SMPD3: variants seen among roughly 807,000 people sequenced by gnomAD.
The protein encoded by SMPD3 is sphingomyelin phosphodiesterase 3, also known as nSMase-2.
A neutral mutation model predicts 55.7 loss-of-function variants in SMPD3; 21 were observed. That is an observed-to-expected ratio of 0.38 (90% CI 0.27 to 0.54). The LOEUF is 0.54. Among genes scored for constraint, SMPD3 ranks in the 20% least tolerant of loss-of-function variants. The probability of loss-of-function intolerance (pLI) is 0.80; values close to 1 mark genes in which losing one functional copy is unlikely to be tolerated. For missense variants in SMPD3, 842 were observed against 899.6 expected, an observed-to-expected ratio of 0.94 and a Z score of 0.82; for synonymous variants, 457 against 404.3, an observed-to-expected ratio of 1.13 and a Z score of -1.56.
At chr16:68,430,514 C>A (rs2090471088) in intron 1 of SMPD3, among the ~76,000 whole-genome samples, 2 of 152,212 alleles carry the variant, frequency 1.3e-5, no homozygotes, top group South Asian at 4.1e-4. Flanking sequence ...TGGACTCTAG[C>A]TGACCCATCC....
chr16:68,397,728 C>G (rs2152008804), intron 1 of SMPD3, among the ~76,000 whole-genome samples: 1 of 152,326 alleles, frequency 6.6e-6, no homozygotes, highest in African/African-American at 2.4e-5. Flanking sequence ...GAATTCCACG[C>G]CTTGCTTGGT....
At chr16:68,398,612 G>A (rs1351877350) in intron 1 of SMPD3, among the ~76,000 whole-genome samples, 1 of 152,210 alleles carries the variant, frequency 6.6e-6, no homozygotes, top group East Asian at 1.9e-4. Context: ...GTAATCTTGA[G>A]GGATGTGAAC....
At chr16:68,430,417 T>A (rs1001688165) in intron 1 of SMPD3, among the ~76,000 whole-genome samples, 2 of 152,190 alleles carry the variant, frequency 1.3e-5, no homozygotes, top group African/African-American at 4.8e-5. Context: ...ATTTCATAGA[T>A]GTCAATAAAC....
intron 1 of SMPD3, among the ~76,000 whole-genome samples, chr16:68,421,322 G>A (rs549082261): frequency 6.6e-6 from 1 of 152,324 alleles, no homozygotes; most frequent in Non-Finnish European, 1.5e-5. Context: ...CGCTTGTGGG[G>A]AATGGCAGAG....
chr16:68,392,403 G>A (rs1000257227), intron 1 of SMPD3, among the ~76,000 whole-genome samples: 3 of 152,206 alleles, frequency 2.0e-5, no homozygotes, highest in Non-Finnish European at 4.4e-5. Flanking sequence ...AAGCTATAAT[G>A]TTTGCTAGTT....
chr16:68,385,738 G>T (rs951189345), intron 2 of SMPD3, among the ~76,000 whole-genome samples: 2 of 152,182 alleles, frequency 1.3e-5, no homozygotes. Flanking sequence ...TTCTGCTTTT[G>T]TTCCTGAGAA....
intron 1 of SMPD3, among the ~76,000 whole-genome samples, chr16:68,399,670 A>AC (rs893138999): frequency 2.0e-5 from 3 of 151,466 alleles, no homozygotes; most frequent in Non-Finnish European, 4.4e-5. Context: ...TGATGGTCAG[A>AC]CCCCCCACTG....
chr16:68,442,068 T>C (rs951859092), intron 1 of SMPD3, among the ~76,000 whole-genome samples: 11 of 152,208 alleles, frequency 7.2e-5, no homozygotes, highest in African/African-American at 2.7e-4. Context: ...GCCTGGGCTA[T>C]TTCAACTTAA....
At chr16:68,398,493 T>C (rs2090179505) in intron 1 of SMPD3, among the ~76,000 whole-genome samples, 1 of 151,974 alleles carries the variant, frequency 6.6e-6, no homozygotes. Context: ...CGAGCTGGAG[T>C]CTTCCAGGCT....
intron 7 of SMPD3, 95 bp from the exon 8 acceptor site, chr16:68,361,854 GGA>G: frequency 1.5e-6 from 2 of 1,349,464 alleles, no homozygotes; most frequent in Non-Finnish European, 2.0e-6. Flanking sequence ...TCCCAGTGTG[GGA>G]GCGGGTGGGT....
intron 1 of SMPD3, among the ~76,000 whole-genome samples, chr16:68,437,381 G>A (rs1010280043): frequency 6.6e-6 from 1 of 152,216 alleles, no homozygotes. Flanking sequence ...TTCAGCATGT[G>A]CTGACACACA....
chr16:68,447,045 C>T lies in SMPD3; in HGVS notation c.-269+1308G>A, dbSNP rs979972262. On this transcript the variant is annotated intron_variant, in intron 1 of 8. Coordinates refer to ENST00000219334, the MANE Select transcript of SMPD3 (RefSeq NM_018667.4). This position sits in a 1 kb window ranked among gnomAD's most constrained non-coding sequence, Gnocchi z 5.1. ...GCTTTGTCTCCCGCCCCGCTCCTGGCACGTTTCCGTGGAAGCTGCCCGCGC... is the reference window on the plus strand; with the variant it reads ...GCTTTGTCTCCCGCCCCGCTCCTGGTACGTTTCCGTGGAAGCTGCCCGCGC... Among the ~76,000 whole-genome samples, 1 of 152,022 alleles carries T rather than the reference C, an allele frequency of 6.6e-6. No individual in the cohort carries two copies. The highest frequency in any genetic ancestry group is 1.5e-5 in the Non-Finnish European group (1 of 67,976).
At position 68,361,175 on chromosome 16, in the gene SMPD3, G is replaced by C. The variant is rs1454307452; in HGVS notation, c.*31C>G. The C allele has an allele frequency of 6.3e-7, 1 of 1,593,364 alleles. No homozygotes were observed. The highest frequency in any genetic ancestry group is 8.6e-7 in the Non-Finnish European group (1 of 1,164,210). On this transcript the variant is annotated 3_prime_UTR_variant, in exon 9 of 9. Transcript: ENST00000219334. ...CCCAGGGATGGGCTGCAGCTGCAAG[G>C]GCTGGCAGAGGCCCCGCTGCTCCGG...
At chr16:68,439,205 A>C (rs2090548080) in intron 1 of SMPD3, among the ~76,000 whole-genome samples, 1 of 152,184 alleles carries the variant, frequency 6.6e-6, no homozygotes, top group East Asian at 1.9e-4. Context: ...TAAAAATGTG[A>C]TTCAGACTCA....
intron 1 of SMPD3, among the ~76,000 whole-genome samples, chr16:68,393,139 T>C (rs1288525328): frequency 6.6e-6 from 1 of 152,142 alleles, no homozygotes; most frequent in Non-Finnish European, 1.5e-5. Flanking sequence ...GCATGGTGGC[T>C]CATGCCTGTA....
In SMPD3 at chr16:68,361,070, T is replaced by G. The variant is rs2089231823; in HGVS notation, c.*136A>C. 5 of 768,732 alleles carry G rather than the reference T, an allele frequency of 6.5e-6. No homozygotes were observed. The highest frequency in any genetic ancestry group is 1.0e-5 in the Non-Finnish European group (5 of 483,958). 47.6% of individuals were successfully genotyped at this position (768,732 alleles called of 1,614,324 possible). On this transcript the variant is annotated 3_prime_UTR_variant, in exon 9 of 9. Transcript: ENST00000219334. ...GGCGCAGAGCAGCGCAGCTTCCAGG[T>G]TCCCGGGCACTGACTGTGGCTCCCT...
chr16:68,437,796 T>C (rs1013198644), intron 1 of SMPD3, among the ~76,000 whole-genome samples: 3 of 152,292 alleles, frequency 2.0e-5, no homozygotes, highest in Admixed American at 2.0e-4. Flanking sequence ...AGCGTAGCCA[T>C]GGAGAGAAAT....
chr16:68,425,559 G>T (rs1218377501), intron 1 of SMPD3, among the ~76,000 whole-genome samples: 1 of 152,100 alleles, frequency 6.6e-6, no homozygotes, highest in African/African-American at 2.4e-5. Context: ...GGGCCCTAAG[G>T]AGCCAGAGTC....
intron 1 of SMPD3, among the ~76,000 whole-genome samples, chr16:68,444,037 T>G (rs954117473): frequency 9.2e-5 from 14 of 152,236 alleles, no homozygotes; most frequent in African/African-American, 4.8e-5. Context: ...AGAAAATGTT[T>G]CCTCTTATTA....
Sources: gnomAD v4.1 joint callset for allele counts (sites outside exome capture counted in the v4.1 genomes callset) on GRCh38, gnomAD v4.1.1 for gene constraint, Gnocchi (gnomAD v3.1) non-coding constraint, MANE v1.5 for transcripts, NCBI Gene and HGNC (gene_info 2026-07-23, HGNC 2026-07-21) for gene names.